The following OSBPL8 variants were observed in gnomAD, a reference collection of about 807,000 sequenced individuals.
The protein encoded by OSBPL8 is oxysterol binding protein like 8, also known as oxysterol-binding protein-related protein 8.
In OSBPL8, 59 loss-of-function variants were observed where a neutral mutation model predicts 125.5. The ratio of observed to expected loss-of-function variants is 0.47; its 90% CI spans 0.38 to 0.58. OSBPL8 has a LOEUF of 0.58. Ranked by LOEUF, OSBPL8 falls within the 20% of genes least tolerant of loss-of-function variation. The pLI is 0.00. For missense variants in OSBPL8, 758 were observed against 1,047.8 expected (o/e 0.72, Z 3.82); for synonymous variants, 330 against 338.9 (o/e 0.97, Z 0.29).
At chr12:76,395,265 T>C (rs1953743599) in intron 8 of OSBPL8, among the ~76,000 whole-genome samples, 1 of 152,184 alleles carries the variant, frequency 6.6e-6, no homozygotes, top group Non-Finnish European at 1.5e-5. Context: ...ATTCTGTCGT[T>C]GTTGTTGGCT....
chr12:76,477,057 T>C (rs768396000), intron 2 of OSBPL8, among the ~76,000 whole-genome samples: 14 of 152,276 alleles, frequency 9.2e-5, no homozygotes, highest in Non-Finnish European at 1.9e-4. Context: ...CACTCCCTTA[T>C]TCTTAAAGGC....
intron 1 of OSBPL8, among the ~76,000 whole-genome samples, chr12:76,492,224 G>A (rs1878792565): frequency 6.6e-6 from 1 of 152,008 alleles, no homozygotes; most frequent in Admixed American, 6.6e-5. Flanking sequence ...GAAGTAGGGA[G>A]AAAATTAGCT....
intron 1 of OSBPL8, among the ~76,000 whole-genome samples, chr12:76,509,626 A>G (rs916647867): frequency 5.3e-5 from 8 of 152,156 alleles, no homozygotes; most frequent in African/African-American, 1.9e-4. Flanking sequence ...TATTTCTTCC[A>G]TTCTAATACT....
intron 22 of OSBPL8, among the ~76,000 whole-genome samples, chr12:76,357,186 A>G (rs1401401956): frequency 6.6e-6 from 1 of 152,170 alleles, no homozygotes; most frequent in Non-Finnish European, 1.5e-5. Context: ...ATGTTTTTCC[A>G]AATTCCCTAC....
intron 4 of OSBPL8, among the ~76,000 whole-genome samples, chr12:76,443,653 C>A (rs1023110575): frequency 1.3e-5 from 2 of 152,094 alleles, no homozygotes; most frequent in African/African-American, 4.8e-5. Flanking sequence ...GGACTATGGG[C>A]ATGCACCATC....
At chr12:76,367,229 G>GGTGTGT (rs71311108) in intron 21 of OSBPL8, among the ~76,000 whole-genome samples, 56,489 of 146,834 alleles carry the variant, frequency 0.38, 11,453 homozygotes, top group East Asian at 0.8. Flanking sequence ...TTTGTTGATT[G>GGTGTGT]GTGTGTGTGT....
chr12:76,429,193 G>A (rs1054935138), intron 4 of OSBPL8, among the ~76,000 whole-genome samples: 3 of 151,816 alleles, frequency 2.0e-5, no homozygotes, highest in Admixed American at 1.3e-4. Flanking sequence ...AACAATTTTA[G>A]ATTAGACAGC....
At chr12:76,396,736 AGTAAAACC>A (rs1953822843) in intron 8 of OSBPL8, among the ~76,000 whole-genome samples, 1 of 152,182 alleles carries the variant, frequency 6.6e-6, no homozygotes, top group African/African-American at 2.4e-5. Flanking sequence ...CCTAGGTGAC[AGTAAAACC>A]TTGCCTAAAA....
At chr12:76,384,473 A>T in intron 14 of OSBPL8, 123 bp from the exon 15 acceptor site, 1 of 489,838 alleles carries the variant, frequency 2.0e-6, no homozygotes, top group Non-Finnish European at 3.3e-6. Context: ...AGTAAGAAAA[A>T]ACATTTAATA....
Position 76,366,549 on chromosome 12 carries a change from C to T in OSBPL8, c.2328+2665G>A, listed in dbSNP as rs115997053. On this transcript the variant is annotated intron_variant, in intron 21 of 23. Coordinates refer to ENST00000261183, the MANE Select transcript of OSBPL8 (RefSeq NM_020841.5). ...CTACTCTCTATTTTGTTTATCTGTA[C>T]TCTAATCTTCATTATTTTCTTCTTC... The T allele has an allele frequency of 3.5e-3, 1,560 of 440,392 alleles. 28 individuals carry two copies. Among genetic ancestry groups the T allele is most frequent in the African/African-American group, 0.03 (1,449 of 48,776 alleles). The allele number at this position is 440,392 out of a possible 1,614,324, so 27.3% of individuals were successfully genotyped here.
rs534071619 is a variant in OSBPL8 at position 76,379,408 on chromosome 12, C to T, written c.1631-858G>A. 7.8e-4 allele frequency among the ~76,000 whole-genome samples: 119 copies of T among 152,252 alleles called. 2 individuals carry two copies. In the South Asian group the frequency reaches 0.023, roughly 29 times the overall value. On this transcript the variant is annotated intron_variant, in intron 15 of 23. Coordinates refer to ENST00000261183, the MANE Select transcript of OSBPL8 (RefSeq NM_020841.5). ...TGAAGTATAAATTTACATACAGTAA[C>T]TAACCCATTTTAAGTGTGAAATTTG...
At chr12:76,366,193 G>A (rs915661141) in intron 21 of OSBPL8, among the ~76,000 whole-genome samples, 9 of 152,264 alleles carry the variant, frequency 5.9e-5, no homozygotes, top group African/African-American at 2.2e-4. Context: ...ATTCACCAGT[G>A]CAGCCACCTG....
intron 1 of OSBPL8, among the ~76,000 whole-genome samples, chr12:76,492,044 G>A (rs1318336132): frequency 6.6e-6 from 1 of 151,572 alleles, no homozygotes; most frequent in Non-Finnish European, 1.5e-5. Context: ...TTCTGGAAGG[G>A]GAAGACAAAC....
At chr12:76,529,853 T>C (rs1950285032) in intron 1 of OSBPL8, among the ~76,000 whole-genome samples, 1 of 152,232 alleles carries the variant, frequency 6.6e-6, no homozygotes, top group Admixed American at 6.5e-5. Context: ...ACATTACTAG[T>C]TGCTTTAAAT....
chr12:76,411,009 C>T (rs1954492683), intron 4 of OSBPL8, among the ~76,000 whole-genome samples: 3 of 152,046 alleles, frequency 2.0e-5, no homozygotes, highest in South Asian at 2.1e-4. Flanking sequence ...CAATTTCAGA[C>T]GAGGTGATGA....
intron 2 of OSBPL8, among the ~76,000 whole-genome samples, chr12:76,474,787 A>G (rs1876598140): frequency 6.6e-6 from 1 of 152,236 alleles, no homozygotes; most frequent in Non-Finnish European, 1.5e-5. Context: ...CCAGCCCGAA[A>G]TTAAATTTTA....
rs560877749 is a variant in OSBPL8 at position 76,450,177 on chromosome 12, G to T, written c.217+674C>A. On this transcript the variant is annotated intron_variant, in intron 4 of 23. Coordinates refer to ENST00000261183, the MANE Select transcript of OSBPL8 (RefSeq NM_020841.5). ...TTGGCAACATCTGGAAACATTTCTG[G>T]TTGTCACAACTGGGGTAACTGCTAT... Among the ~76,000 whole-genome samples, 15 of 152,252 alleles carry T rather than the reference G, an allele frequency of 9.9e-5. No individual in the cohort carries two copies. The South Asian group carries it at 3.1e-3, about 32-fold the overall frequency.
At chr12:76,530,741 G>T (rs1176394152) in intron 1 of OSBPL8, among the ~76,000 whole-genome samples, 5 of 152,254 alleles carry the variant, frequency 3.3e-5, no homozygotes, top group African/African-American at 4.8e-5. Flanking sequence ...AGACACTTAA[G>T]AATTGTGGAC....
intron 4 of OSBPL8, among the ~76,000 whole-genome samples, chr12:76,414,369 T>TTA (rs201903430): frequency 2.6e-5 from 4 of 151,252 alleles, no homozygotes; most frequent in Non-Finnish European, 5.9e-5. Context: ...ATATGTGTAT[T>TTA]TATATATATA....
Sources: gnomAD v4.1 joint callset for allele counts (sites outside exome capture counted in the v4.1 genomes callset) on GRCh38, gnomAD v4.1.1 for gene constraint, MANE v1.5 for transcripts, NCBI Gene and HGNC (gene_info 2026-07-23, HGNC 2026-07-21) for gene names.